The following RAMP3 variants were observed in gnomAD, a reference collection of about 807,000 sequenced individuals.
RAMP3 encodes receptor activity-modifying protein 3.
RAMP3 carries 14 observed loss-of-function variants against 13.5 expected under a neutral mutation model. That is an observed-to-expected ratio of 1.04 (90% CI 0.69 to 1.63). The LOEUF is 1.63. Ranked by LOEUF, RAMP3 falls within the 40% of genes most tolerant of loss-of-function variation. RAMP3 has a pLI of 0.00. For missense variants in RAMP3, 200 were observed against 204.8 expected, an observed-to-expected ratio of 0.98 and a Z score of 0.14; for synonymous variants, 106 against 88.3, an observed-to-expected ratio of 1.20 and a Z score of -1.12.
intron 2 of RAMP3, among the ~76,000 whole-genome samples, chr7:45,180,262 G>A (rs1271167374): frequency 6.6e-6 from 1 of 152,236 alleles, no homozygotes; most frequent in East Asian, 1.9e-4. Flanking sequence ...TGGCCCAGGT[G>A]GAGGGCACTT....
intron 1 of RAMP3, among the ~76,000 whole-genome samples, chr7:45,167,433 C>G (rs1785988711): frequency 1.3e-5 from 2 of 152,114 alleles, no homozygotes; most frequent in Admixed American, 1.3e-4. Flanking sequence ...AGGGTGTATT[C>G]CTGGACTCTG....
In RAMP3 at chr7:45,180,809, T is replaced by C. The variant is rs575784472; in HGVS notation, c.192-2348T>C. Among the ~76,000 whole-genome samples the C allele has an allele frequency of 3.6e-4, 55 of 152,286 alleles. No individual in the cohort carries two copies. In the South Asian group the frequency reaches 0.011, roughly 31 times the overall value. On this transcript the variant is annotated intron_variant, in intron 2 of 2. Coordinates refer to ENST00000242249, the MANE Select transcript of RAMP3 (RefSeq NM_005856.3). ...GGGCTCCTCTCCTTCCCATCCTGGGTTGTGGTGCATCTTTTTTAGGGAGAG... is the reference window on the plus strand; with the variant it reads ...GGGCTCCTCTCCTTCCCATCCTGGGCTGTGGTGCATCTTTTTTAGGGAGAG...
At chr7:45,171,497 C>CATTTATATA (rs1786082055) in intron 1 of RAMP3, among the ~76,000 whole-genome samples, 1 of 152,104 alleles carries the variant, frequency 6.6e-6, no homozygotes, top group Admixed American at 6.6e-5. Context: ...GGTCAGAGGA[C>CATTTATATA]ATTTATATAA....
intron 2 of RAMP3, among the ~76,000 whole-genome samples, chr7:45,177,897 TG>T (rs966920523): frequency 2.6e-5 from 4 of 152,146 alleles, no homozygotes; most frequent in African/African-American, 9.7e-5. Context: ...TGCCCTGCCC[TG>T]GGAGTGTCCA....
intron 1 of RAMP3, among the ~76,000 whole-genome samples, chr7:45,176,994 T>C (rs1259362092): frequency 6.6e-6 from 1 of 152,214 alleles, no homozygotes; most frequent in Non-Finnish European, 1.5e-5. Flanking sequence ...CTGATCTGCC[T>C]GAGACCCTCT....
intron 2 of RAMP3, among the ~76,000 whole-genome samples, chr7:45,180,936 T>C (rs1220020940): frequency 6.6e-6 from 1 of 152,210 alleles, no homozygotes; most frequent in Non-Finnish European, 1.5e-5. Flanking sequence ...AAGCACTGAA[T>C]GTGGACCTCT....
At chr7:45,167,102 T>G (rs908833661) in intron 1 of RAMP3, among the ~76,000 whole-genome samples, 1 of 151,894 alleles carries the variant, frequency 6.6e-6, no homozygotes, top group Non-Finnish European at 1.5e-5. Context: ...GGACTACAGG[T>G]GCCCGCTACC....
intron 1 of RAMP3, among the ~76,000 whole-genome samples, chr7:45,160,718 G>A (rs976375532): frequency 6.6e-6 from 1 of 152,200 alleles, no homozygotes; most frequent in African/African-American, 2.4e-5. Flanking sequence ...TCTCTCAGTG[G>A]CGTCTGGAAG....
chr7:45,177,254 C>T (rs1323644728), intron 1 of RAMP3, 55 bp from the exon 2 acceptor site: 3 of 1,609,038 alleles, frequency 1.9e-6, no homozygotes, highest in East Asian at 4.5e-5. Flanking sequence ...CCTCCCCTGT[C>T]CTGGCATCCC....
At chr7:45,164,571 G>A (rs985948260) in intron 1 of RAMP3, among the ~76,000 whole-genome samples, 2 of 152,118 alleles carry the variant, frequency 1.3e-5, no homozygotes, top group African/African-American at 4.8e-5. Flanking sequence ...TTATAATTGT[G>A]AAATTGTGGA....
chr7:45,177,188 T>C, intron 1 of RAMP3, 121 bp from the exon 2 acceptor site: 2 of 1,328,780 alleles, frequency 1.5e-6, no homozygotes, highest in East Asian at 4.7e-5. Flanking sequence ...GCTGGAACGG[T>C]CTCAGGCTTG....
chr7:45,181,341 G>T (rs572004003), intron 2 of RAMP3, among the ~76,000 whole-genome samples: 1 of 152,354 alleles, frequency 6.6e-6, no homozygotes, highest in South Asian at 2.1e-4. Context: ...CTGGGAGTGG[G>T]GTTTGGGAAC....
intron 1 of RAMP3, among the ~76,000 whole-genome samples, chr7:45,160,938 C>T (rs1017110331): frequency 2.6e-5 from 4 of 152,208 alleles, no homozygotes; most frequent in South Asian, 4.1e-4. Flanking sequence ...TTGCTGGGAG[C>T]CCCTCAAGCC....
intron 2 of RAMP3, among the ~76,000 whole-genome samples, chr7:45,182,025 G>A (rs1786326432): frequency 6.6e-6 from 1 of 152,166 alleles, no homozygotes; most frequent in Non-Finnish European, 1.5e-5. Context: ...ACCCTGGGTG[G>A]AGTAGGTCAG....
chr7:45,177,171 G>A, intron 1 of RAMP3, 138 bp from the exon 2 acceptor site: 1 of 1,113,656 alleles, frequency 9.0e-7, no homozygotes, highest in Non-Finnish European at 1.3e-6. Flanking sequence ...GGAGGGTGAA[G>A]GACTCCGCTG....
chr7:45,159,296 G>C (rs1785821215), intron 1 of RAMP3, among the ~76,000 whole-genome samples: 1 of 152,190 alleles, frequency 6.6e-6, no homozygotes, highest in South Asian at 2.1e-4. Context: ...GAGATTCAGG[G>C]AGAGGTAAAA....
At chr7:45,170,702 A>G (rs896444762) in intron 1 of RAMP3, among the ~76,000 whole-genome samples, 1 of 152,018 alleles carries the variant, frequency 6.6e-6, no homozygotes, top group Non-Finnish European at 1.5e-5. Flanking sequence ...CTGGAGTGCA[A>G]TGGTGTGATC....
Position 45,183,545 on chromosome 7 carries a change from C to A in RAMP3, c.*133C>A. The A allele has an allele frequency of 7.5e-7, 1 of 1,332,796 alleles. No individual in the cohort carries two copies. The highest frequency in any genetic ancestry group is 1.0e-6 in the Non-Finnish European group (1 of 965,294). 82.6% of individuals were successfully genotyped at this position (1,332,796 alleles called of 1,614,324 possible). A position where few individuals can be genotyped will look rare whatever the true frequency, so the allele number is the denominator to read the frequency against. ...CCACCTGGTCATGGGCAGACCCCTCCCTTCCTGGGCTGACCTGCTCCCTCG... is the reference window on the plus strand; with the variant it reads ...CCACCTGGTCATGGGCAGACCCCTCACTTCCTGGGCTGACCTGCTCCCTCG... On this transcript the variant is annotated 3_prime_UTR_variant, in exon 3 of 3. Coordinates refer to ENST00000242249, the MANE Select transcript of RAMP3 (RefSeq NM_005856.3).
At chr7:45,172,351 G>T (rs1786099392) in intron 1 of RAMP3, among the ~76,000 whole-genome samples, 1 of 152,222 alleles carries the variant, frequency 6.6e-6, no homozygotes, top group Non-Finnish European at 1.5e-5. Context: ...TGGCTCAAAT[G>T]TCACAGATTC....
Sources: gnomAD v4.1 joint callset for allele counts (sites outside exome capture counted in the v4.1 genomes callset) on GRCh38, gnomAD v4.1.1 for gene constraint, MANE v1.5 for transcripts, NCBI Gene and HGNC (gene_info 2026-07-23, HGNC 2026-07-21) for gene names.